Variants in MAPKBP1 observed in about 807,000 individuals in gnomAD.
The protein encoded by MAPKBP1 is mitogen-activated protein kinase-binding protein 1.
A neutral mutation model predicts 170.5 loss-of-function variants in MAPKBP1; 71 were observed. That is an observed-to-expected ratio of 0.42 (90% confidence interval 0.34 to 0.51). The LOEUF is 0.51. Ranked by LOEUF, MAPKBP1 falls within the 20% of genes least tolerant of loss-of-function variation. The pLI is 0.06. For synonymous variants in MAPKBP1, 719 were observed against 757.9 expected (o/e 0.95, Z 0.84); for missense variants, 1,598 against 1,933.0 (o/e 0.83, Z 3.25).
At chr15:41,785,663 G>C (rs556513252) in intron 2 of MAPKBP1, among the ~76,000 whole-genome samples, 13 of 151,928 alleles carry the variant, frequency 8.6e-5, no homozygotes, top group African/African-American at 3.1e-4. Flanking sequence ...TAAATAACCC[G>C]TTATTTAAGT....
intron 2 of MAPKBP1, among the ~76,000 whole-genome samples, chr15:41,794,369 A>G (rs537674520): frequency 7.2e-4 from 110 of 152,358 alleles, no homozygotes; most frequent in African/African-American, 2.5e-3. Flanking sequence ...GATGTTGCTC[A>G]TAAGGTCCTG....
chr15:41,825,332 A>G lies in MAPKBP1; in HGVS notation c.4423A>G (p.Ser1475Gly). 2 of 1,613,320 alleles carry G rather than the reference A, an allele frequency of 1.2e-6. No individual in the cohort carries two copies. The highest frequency in any genetic ancestry group is 1.7e-6 in the Non-Finnish European group (2 of 1,179,930). ...TGGGGCAGTGCTGTCCAGCCCAGGCAGCAGCCCTGGGGCTGTGGGAGCCGA... is the reference window on the plus strand; with the variant it reads ...TGGGGCAGTGCTGTCCAGCCCAGGCGGCAGCCCTGGGGCTGTGGGAGCCGA... The part of the protein sequence containing the change: ...VAGAVLSSPG[S>G]SPGAVGAEQT... Residue 1475 changes from serine to glycine, a missense_variant, in exon 31 of 31, where the codon AGC becomes GGC. By Grantham distance (56) the Ser-to-Gly change is moderately conservative. Around this residue, in one of 6 missense-constraint regions of MAPKBP1, gnomAD observed 942 missense variants for 953.2 expected, o/e 0.99. Transcript: ENST00000457542.
chr15:41,810,717 CAAAAAAAAAAAAAAAA>C, intron 3 of MAPKBP1, 150 bp from the exon 4 acceptor site: 1 of 430,510 alleles, frequency 2.3e-6, no homozygotes, highest in South Asian at 2.6e-5. Flanking sequence ...GATCCTGTCT[CAAAAAAAAAAAAAAAA>C]AAAAAAGAAA....
rs759772218 is a variant in MAPKBP1 at position 41,812,880 on chromosome 15, TG to T, written c.637-35del. ...GGGCCCAGTTTCCAGGGGCAGGCTCTGGGGTGGATGGGGGTGTAACAGTGGT... is the reference window on the plus strand; with the variant it reads ...GGGCCCAGTTTCCAGGGGCAGGCTCTGGGTGGATGGGGGTGTAACAGTGGT... On this transcript the variant is annotated intron_variant, in intron 7 of 30. Coordinates refer to ENST00000457542, the MANE Select transcript of MAPKBP1 (RefSeq NM_014994.3). 3.8e-6 allele frequency: 6 copies of T among 1,558,476 alleles called. No homozygotes were observed. In the African/African-American group the frequency reaches 8.2e-5, roughly 21 times the overall value.
At position 41,818,740 on chromosome 15, in the gene MAPKBP1, T is replaced by C. The variant is rs2064934579; in HGVS notation, c.2157-83T>C. 1.8e-5 allele frequency: 28 copies of C among 1,578,096 alleles called. No homozygotes were observed. The South Asian group carries it at 3.1e-4, about 17-fold the overall frequency. On this transcript the variant is annotated intron_variant, in intron 19 of 30. Coordinates refer to ENST00000457542, the MANE Select transcript of MAPKBP1 (RefSeq NM_014994.3). The surrounding 1 kb of genome is among the most constrained non-coding windows in gnomAD (Gnocchi z 5.2). Reference sequence around the variant, plus strand: ...GAAGTGGAGGGTGGCTCTGGTCTCCTTGCCATCCATGGATAAGGGGAACGA... The same window carrying C: ...GAAGTGGAGGGTGGCTCTGGTCTCCCTGCCATCCATGGATAAGGGGAACGA...
At chr15:41,801,990 C>T (rs1286052973) in intron 3 of MAPKBP1, among the ~76,000 whole-genome samples, 3 of 152,144 alleles carry the variant, frequency 2.0e-5, no homozygotes, top group Non-Finnish European at 4.4e-5. Flanking sequence ...AGTATACTTA[C>T]ACAAACCCTA....
intron 3 of MAPKBP1, among the ~76,000 whole-genome samples, chr15:41,801,516 T>G (rs2064593323): frequency 6.6e-6 from 1 of 152,170 alleles, no homozygotes; most frequent in Admixed American, 6.5e-5. Flanking sequence ...TTATACTAGA[T>G]ACATGATTTG....
chr15:41,775,301 C>T lies in MAPKBP1; in HGVS notation c.26C>T (p.Thr9Ile). 1.9e-6 allele frequency: 3 copies of T among 1,614,068 alleles called. No individual in the cohort carries two copies. The highest frequency in any genetic ancestry group is 2.5e-6 in the Non-Finnish European group (3 of 1,179,968). The change falls in exon 2 of 31, where the codon ACC (threonine) becomes ATC (isoleucine). Residue 9 changes from threonine (T) to isoleucine (I), a missense_variant. By Grantham distance (89) the Thr-to-Ile change is moderately conservative. Around this residue, in one of 6 missense-constraint regions of MAPKBP1, gnomAD observed 151 missense variants for 191.4 expected, o/e 0.79. Transcript: ENST00000457542. Reference sequence around the variant, plus strand: ...ATGGCTGTGGAAGGGTCAACCATTACCAGCCGGATCAAGAATCTGTTGAGA... The same window carrying T: ...ATGGCTGTGGAAGGGTCAACCATTATCAGCCGGATCAAGAATCTGTTGAGA... MAVEGSTI[T>I]SRIKNLLRSP...
chr15:41,781,066 C>CT (rs5812203), intron 2 of MAPKBP1, among the ~76,000 whole-genome samples: 19 of 144,482 alleles, frequency 1.3e-4, no homozygotes, highest in Non-Finnish European at 2.3e-4. Context: ...TTTTTTTTTG[C>CT]TTTTTTTTTT....
In MAPKBP1 at chr15:41,823,175, T is replaced by C. The variant is rs1457901433; in HGVS notation, c.3551T>C (p.Phe1184Ser). 6.2e-7 allele frequency: 1 copy of C among 1,613,710 alleles called. No homozygotes were observed. ...APKRVATASPFSGLQKAQSVH... is the reference protein window; with the variant it reads ...APKRVATASPSSGLQKAQSVH... ...AAGAGAGTGGCCACAGCCAGCCCCTTTTCTGGACTCCAGAAGGCCCAGTCT... is the reference window on the plus strand; with the variant it reads ...AAGAGAGTGGCCACAGCCAGCCCCTCTTCTGGACTCCAGAAGGCCCAGTCT... Residue 1184 changes from phenylalanine (F) to serine (S), a missense_variant, in exon 28 of 31, where the codon TTT (phenylalanine) becomes TCT (serine). Physicochemically the swap from Phe to Ser is radical, Grantham distance 155. Coordinates refer to ENST00000457542, the MANE Select transcript of MAPKBP1 (RefSeq NM_014994.3).
intron 2 of MAPKBP1, among the ~76,000 whole-genome samples, chr15:41,794,473 G>A (rs1162355675): frequency 6.6e-6 from 1 of 152,028 alleles, no homozygotes; most frequent in East Asian, 1.9e-4. Context: ...GGAATAATAG[G>A]CAATGTGTGC....
At chr15:41,788,527 C>T (rs918710911) in intron 2 of MAPKBP1, among the ~76,000 whole-genome samples, 6 of 151,980 alleles carry the variant, frequency 3.9e-5, no homozygotes, top group East Asian at 1.9e-4. Flanking sequence ...TCTGGCCAGG[C>T]GATCACAGAA....
At chr15:41,779,528 A>T (rs1022353828) in intron 2 of MAPKBP1, among the ~76,000 whole-genome samples, 6 of 151,488 alleles carry the variant, frequency 4.0e-5, no homozygotes, top group Non-Finnish European at 8.8e-5. Context: ...TGTTTTTTGT[A>T]GAGACAGAGT....
rs1422063757 is a variant in MAPKBP1, at chr15:41,775,214, G to T, written c.-62G>T. 6.6e-6 allele frequency: 9 copies of T among 1,354,714 alleles called. No individual in the cohort carries two copies. Among genetic ancestry groups the T allele is most frequent in the South Asian group, 1.2e-5 (1 of 84,374 alleles). 83.9% of individuals were successfully genotyped at this position (1,354,714 alleles called of 1,614,324 possible). On this transcript the variant is annotated 5_prime_UTR_variant, in exon 2 of 31. Transcript: ENST00000457542. Reference sequence around the variant, plus strand: ...AAGCCCTCTGGAGTGGGAAGACAGTGCCGCTGTTGAGACAAGACCCAGGAC... The same window carrying T: ...AAGCCCTCTGGAGTGGGAAGACAGTTCCGCTGTTGAGACAAGACCCAGGAC...
At position 41,827,381 on chromosome 15, in the gene MAPKBP1, G is replaced by C. The variant is rs1452648681; in HGVS notation, c.*1945G>C. The C allele has an allele frequency of 2.0e-5, 3 of 152,204 alleles. No homozygotes were observed. Among genetic ancestry groups the C allele is most frequent in the Non-Finnish European group, 4.4e-5 (3 of 68,090 alleles). 9.4% of individuals were successfully genotyped at this position (152,204 alleles called of 1,614,324 possible). ...AGTGCGCTTGAGCTGCTCCAAACCT[G>C]GCCCTTCCCCACTCCTCTAGCATCG... On this transcript the variant is annotated 3_prime_UTR_variant, in exon 31 of 31. Transcript: ENST00000457542.
At chr15:41,786,775 A>ATATATATATATATATATATATATAT (rs1402898570) in intron 2 of MAPKBP1, among the ~76,000 whole-genome samples, 2 of 12,448 alleles carry the variant, frequency 1.6e-4, no homozygotes, top group African/African-American at 4.6e-4. Flanking sequence ...AAAAAAAAAA[A>ATATATATATATATATATATATATAT]AAATATATAT....
intron 2 of MAPKBP1, among the ~76,000 whole-genome samples, chr15:41,791,951 A>G (rs2152071565): frequency 6.6e-6 from 1 of 151,806 alleles, no homozygotes; most frequent in Non-Finnish European, 1.5e-5. Context: ...GCTACTTGGG[A>G]GGCTGAGGCA....
chr15:41,821,251 C>G, intron 23 of MAPKBP1, 183 bp downstream of exon 23: 1 of 659,616 alleles, frequency 1.5e-6, no homozygotes, highest in Non-Finnish European at 2.6e-6. Flanking sequence ...TCAGGATAGG[C>G]AGGGGAGGGG....
intron 3 of MAPKBP1, 24 bp from the exon 4 acceptor site, chr15:41,810,859 C>A (rs760696141): frequency 8.1e-6 from 13 of 1,612,806 alleles, no homozygotes; most frequent in Non-Finnish European, 1.1e-5. Context: ...TGCTGCTGAG[C>A]CTGTTGTCTG....
Sources: allele counts gnomAD v4.1 joint callset (sites outside exome capture counted in the v4.1 genomes callset), GRCh38; gene constraint gnomAD v4.1.1; regional missense constraint gnomAD v4.1.1; non-coding constraint Gnocchi (gnomAD v3.1); transcripts MANE v1.5; gene names NCBI Gene and HGNC (gene_info 2026-07-23, HGNC 2026-07-21).